FAM193A: variants seen among roughly 807,000 people sequenced by gnomAD.
FAM193A encodes the protein family with sequence similarity 193 member A.
In FAM193A, 22 loss-of-function variants were observed where a neutral mutation model predicts 126.5. That is an observed-to-expected ratio of 0.17 (90% CI 0.12 to 0.25). The LOEUF (loss-of-function observed/expected upper bound fraction) is 0.25, where lower values mean the gene tolerates loss of function less well. FAM193A is among the 10% of genes least tolerant of loss of function. The pLI, the probability that FAM193A is intolerant of heterozygous loss-of-function variation, is 1.00. For missense variants in FAM193A, 1,675 were observed against 1,672.8 expected (o/e 1.00, Z -0.02); for synonymous variants, 761 against 646.8 (o/e 1.18, Z -2.68).
rs80328822 is a variant in FAM193A at position 2,685,852 on chromosome 4, T to A, written c.2332-3654T>A. ...GAAAGCAGTTTGTTGTGTTTGCATA[T>A]TTGTGTCAGAGCTTTCATTTAAAGC... On this transcript the variant is annotated intron_variant, in intron 13 of 20. Coordinates refer to ENST00000637812, the MANE Select transcript of FAM193A (RefSeq NM_001366318.2). Among the ~76,000 whole-genome samples the A allele has an allele frequency of 4.2e-3, 644 of 152,340 alleles. 34 individuals are homozygous for A. The East Asian group carries it at 0.11, about 25-fold the overall frequency.
At chr4:2,598,732 G>C (rs1257927210) in intron 2 of FAM193A, among the ~76,000 whole-genome samples, 1 of 152,254 alleles carries the variant, frequency 6.6e-6, no homozygotes, top group Non-Finnish European at 1.5e-5. Flanking sequence ...CCTGTGTCCT[G>C]TTGTGCACCT....
chr4:2,681,258 A>T (rs1247740802), intron 13 of FAM193A, among the ~76,000 whole-genome samples: 1 of 150,266 alleles, frequency 6.7e-6, no homozygotes, highest in Non-Finnish European at 1.5e-5. Context: ...AAGTTTTGTC[A>T]GTTTTGTTTC....
intron 2 of FAM193A, among the ~76,000 whole-genome samples, chr4:2,622,941 C>A (rs1430748687): frequency 1.3e-5 from 2 of 152,122 alleles, no homozygotes; most frequent in Non-Finnish European, 2.9e-5. Flanking sequence ...GACCTTTGGG[C>A]ACTTCTGAGA....
At position 2,646,771 on chromosome 4, in the gene FAM193A, G is replaced by T. The variant is rs773661135; in HGVS notation, c.1250G>T (p.Arg417Leu). Reference protein sequence around the residue: ...QRYQRSEEELRRVAEEWLECQ... With the variant: ...QRYQRSEEELLRVAEEWLECQ... ...TACCAGCGTTCCGAGGAGGAGCTGC[G>T]CAGAGTCGCCGAGGAGTGGCTGGAG... The change falls in exon 7 of 21, where the codon CGC becomes CTC. Residue 417 changes from arginine to leucine, a missense_variant. By Grantham distance (102) the Arg-to-Leu change is moderately radical. This residue lies in a region of FAM193A where 1,186 missense variants were observed against 1,109.2 expected (regional missense o/e 1.07). Transcript: ENST00000637812. 5 of 1,613,966 alleles carry T rather than the reference G, an allele frequency of 3.1e-6. No individual in the cohort carries two copies. The South Asian group carries it at 4.4e-5, about 14-fold the overall frequency.
intron 10 of FAM193A, 106 bp downstream of exon 10, chr4:2,660,160 T>A (rs1712250829): frequency 1.6e-6 from 2 of 1,260,894 alleles, no homozygotes; most frequent in Non-Finnish European, 1.1e-6. Flanking sequence ...ATTGTGCTTT[T>A]CATGACAAGG....
chr4:2,636,945 A>G (rs776040619), intron 5 of FAM193A, among the ~76,000 whole-genome samples: 3 of 152,090 alleles, frequency 2.0e-5, no homozygotes, highest in Non-Finnish European at 2.9e-5. Flanking sequence ...TTACTGGAGA[A>G]TGCCCTCACG....
At chr4:2,683,911 A>G (rs973063437) in intron 13 of FAM193A, among the ~76,000 whole-genome samples, 1 of 152,130 alleles carries the variant, frequency 6.6e-6, no homozygotes, top group Non-Finnish European at 1.5e-5. Context: ...TTCTGCTGAC[A>G]TATCTTGCAG....
intron 2 of FAM193A, chr4:2,608,038 G>A (rs1454845716): frequency 3.7e-6 from 6 of 1,606,960 alleles, no homozygotes; most frequent in Admixed American, 1.7e-5. Flanking sequence ...TTCACGTCCG[G>A]GTGTGCAGCA....
At chr4:2,538,489 G>A (rs1737025908) in intron 1 of FAM193A, among the ~76,000 whole-genome samples, 1 of 152,022 alleles carries the variant, frequency 6.6e-6, no homozygotes, top group African/African-American at 2.4e-5. Flanking sequence ...CACCGCGCCC[G>A]GCCGTTTTTA....
intron 19 of FAM193A, among the ~76,000 whole-genome samples, chr4:2,707,910 C>A (rs1053084602): frequency 2.0e-4 from 30 of 152,026 alleles, no homozygotes; most frequent in African/African-American, 7.2e-4. Context: ...CCAGCACACT[C>A]AACTAATTTT....
intron 1 of FAM193A, among the ~76,000 whole-genome samples, chr4:2,581,040 A>G (rs945480533): frequency 6.6e-4 from 100 of 151,688 alleles, no homozygotes; most frequent in African/African-American, 2.3e-3. Context: ...GAGGCAGGAG[A>G]ATGGCGTGAA....
chr4:2,700,163 C>T lies in FAM193A; in HGVS notation c.3991C>T (p.His1331Tyr). 6.2e-7 allele frequency: 1 copy of T among 1,613,476 alleles called. No homozygotes were observed. The highest frequency in any genetic ancestry group is 8.5e-7 in the Non-Finnish European group (1 of 1,179,940). Residue 1331 changes from histidine to tyrosine, a missense_variant, in exon 19 of 21, where the codon CAT becomes TAT. Physicochemically the swap from His to Tyr is moderately conservative, Grantham distance 83. This residue lies in a region of FAM193A where 415 missense variants were observed against 396.7 expected (regional missense o/e 1.05). Coordinates refer to ENST00000637812, the MANE Select transcript of FAM193A (RefSeq NM_001366318.2). ...TTTTTTCTTCGACATCATGCAGCACCATAAAGAAGGAAATGGCAAGCAGAA... is the reference window on the plus strand; with the variant it reads ...TTTTTTCTTCGACATCATGCAGCACTATAAAGAAGGAAATGGCAAGCAGAA... ...LSFFFDIMQH[H>Y]KEGNGKQKLR...
chr4:2,648,057 C>G (rs2109058071), intron 7 of FAM193A, among the ~76,000 whole-genome samples: 1 of 152,208 alleles, frequency 6.6e-6, no homozygotes, highest in East Asian at 1.9e-4. Flanking sequence ...CTGTTCTCTA[C>G]TGCAGCCACA....
Position 2,547,652 on chromosome 4 carries a change from G to A in FAM193A, c.255+10482G>A, listed in dbSNP as rs374318023. On this transcript the variant is annotated intron_variant, in intron 1 of 20. Transcript: ENST00000637812. ...TGTATTTTTTTTTTTTGGAAGTGGA[G>A]TCTCACCCTTTCGCCCAGGCTGGAG... Among the ~76,000 whole-genome samples the A allele has an allele frequency of 2.7e-5, 4 of 148,510 alleles. 1 individual carries two copies. The highest frequency in any genetic ancestry group is 1.9e-4 in the East Asian group (1 of 5,140).
intron 5 of FAM193A, among the ~76,000 whole-genome samples, chr4:2,637,894 T>A (rs955206420): frequency 6.6e-6 from 1 of 152,238 alleles, no homozygotes; most frequent in African/African-American, 2.4e-5. Flanking sequence ...CCAAGTTGAT[T>A]TCCGGTTGTG....
At chr4:2,676,195 G>A (rs1010763255) in intron 13 of FAM193A, among the ~76,000 whole-genome samples, 1 of 152,188 alleles carries the variant, frequency 6.6e-6, no homozygotes, top group African/African-American at 2.4e-5. Flanking sequence ...TGGAGGAACT[G>A]CCACCGTTTC....
chr4:2,687,921 C>G (rs980271502), intron 13 of FAM193A, among the ~76,000 whole-genome samples: 1 of 152,212 alleles, frequency 6.6e-6, no homozygotes, highest in Non-Finnish European at 1.5e-5. Flanking sequence ...TCCCTTTGCT[C>G]CTAACCTCTT....
chr4:2,601,227 C>CT (rs1201989388), intron 2 of FAM193A, among the ~76,000 whole-genome samples: 47,188 of 110,712 alleles, frequency 0.43, 11,179 homozygotes, highest in East Asian at 0.53. Flanking sequence ...TCTTCTTCTT[C>CT]TTTTTTTTTT....
chr4:2,601,870 G>A (rs557711168), intron 2 of FAM193A, among the ~76,000 whole-genome samples: 13 of 151,776 alleles, frequency 8.6e-5, no homozygotes, highest in South Asian at 6.2e-4. Context: ...ATAGATTCTC[G>A]CTCTGTTGCC....
Sources: gnomAD v4.1 joint callset for allele counts (sites outside exome capture counted in the v4.1 genomes callset) on GRCh38, gnomAD v4.1.1 for gene constraint, gnomAD v4.1.1 regional missense constraint, MANE v1.5 for transcripts, NCBI Gene and HGNC (gene_info 2026-07-23, HGNC 2026-07-21) for gene names.